Variants in CDH8 observed in about 807,000 individuals in gnomAD.
CDH8 encodes the protein cadherin 8.
In CDH8, 17 loss-of-function variants were observed where a neutral mutation model predicts 68.1. The ratio of observed to expected loss-of-function variants is 0.25; its 90% CI spans 0.17 to 0.37. CDH8 has a LOEUF of 0.37. Among genes scored for constraint, CDH8 ranks in the 10% least tolerant of loss-of-function variants. The pLI is 1.00. For missense variants in CDH8, 763 were observed against 999.3 expected (o/e 0.76, Z 3.19); for synonymous variants, 372 against 365.1 (o/e 1.02, Z -0.21).
intron 4 of CDH8, among the ~76,000 whole-genome samples, chr16:61,852,234 C>T (rs999030144): frequency 2.6e-5 from 4 of 151,988 alleles, no homozygotes; most frequent in Non-Finnish European, 5.9e-5. Context: ...TCATTCTCTC[C>T]GAAACACAGT....
At chr16:62,024,057 T>C (rs1260217276) in intron 1 of CDH8, among the ~76,000 whole-genome samples, 1 of 152,012 alleles carries the variant, frequency 6.6e-6, no homozygotes, top group Non-Finnish European at 1.5e-5. Context: ...GATCTCCATC[T>C]CGAACTCCTC....
chr16:62,027,365 G>T (rs899294547), intron 1 of CDH8, among the ~76,000 whole-genome samples: 1 of 152,128 alleles, frequency 6.6e-6, no homozygotes, highest in African/African-American at 2.4e-5. Flanking sequence ...TACACCATCC[G>T]TTTTGTAAAT....
At chr16:62,031,506 A>G in intron 1 of CDH8, among the ~76,000 whole-genome samples, 1 of 152,162 alleles carries the variant, frequency 6.6e-6, no homozygotes, top group East Asian at 1.9e-4. Context: ...GCCCTGAACC[A>G]TCCATCGTTC....
chr16:61,887,271 G>A (rs185461309), intron 3 of CDH8, among the ~76,000 whole-genome samples: 8 of 152,180 alleles, frequency 5.3e-5, no homozygotes, highest in African/African-American at 1.9e-4. Context: ...GATAGGAGTA[G>A]GAGGACCAAT....
chr16:61,773,052 T>C (rs750727970), intron 8 of CDH8, among the ~76,000 whole-genome samples: 11 of 152,060 alleles, frequency 7.2e-5, no homozygotes, highest in Non-Finnish European at 1.3e-4. Flanking sequence ...AAACATAATA[T>C]CCTTAACTGA....
chr16:61,963,726 T>C (rs1027235627), intron 2 of CDH8, among the ~76,000 whole-genome samples: 2 of 152,242 alleles, frequency 1.3e-5, no homozygotes, highest in East Asian at 1.9e-4. Flanking sequence ...CCACTGTTCC[T>C]GAATATTTGA....
intron 8 of CDH8, among the ~76,000 whole-genome samples, chr16:61,778,509 G>A (rs1960957832): frequency 6.6e-6 from 1 of 151,920 alleles, no homozygotes; most frequent in African/African-American, 2.4e-5. Context: ...GAAGGGGCAG[G>A]GTAACAGACA....
chr16:61,665,166 G>A (rs1433551928), intron 10 of CDH8, among the ~76,000 whole-genome samples: 1 of 151,790 alleles, frequency 6.6e-6, no homozygotes, highest in African/African-American at 2.4e-5. Flanking sequence ...AAGACCTTCT[G>A]CTAGCTGTTT....
chr16:61,720,645 AT>A (rs891677181), intron 9 of CDH8, among the ~76,000 whole-genome samples: 6 of 150,676 alleles, frequency 4.0e-5, no homozygotes, highest in East Asian at 3.9e-4. Context: ...ATTCCAGCTA[AT>A]TTTTTTTAAA....
chr16:61,686,271 T>G (rs560654538), intron 10 of CDH8, among the ~76,000 whole-genome samples: 1 of 152,028 alleles, frequency 6.6e-6, no homozygotes, highest in East Asian at 1.9e-4. Flanking sequence ...TCTATTTTCA[T>G]AGCAGCATGA....
intron 3 of CDH8, among the ~76,000 whole-genome samples, chr16:61,897,135 T>C (rs1260744119): frequency 6.7e-6 from 1 of 150,070 alleles, no homozygotes; most frequent in Non-Finnish European, 1.5e-5. Flanking sequence ...ATACAACATA[T>C]ATATGTTAGT....
At chr16:61,724,935 A>G (rs1207849820) in intron 9 of CDH8, among the ~76,000 whole-genome samples, 1 of 150,936 alleles carries the variant, frequency 6.6e-6, no homozygotes, top group African/African-American at 2.4e-5. Flanking sequence ...TGTAAGGAAT[A>G]AAACCTGAAT....
At chr16:62,013,454 A>T (rs1006348961) in intron 2 of CDH8, among the ~76,000 whole-genome samples, 1 of 152,168 alleles carries the variant, frequency 6.6e-6, no homozygotes, top group African/African-American at 2.4e-5. Flanking sequence ...ATTTGAATAC[A>T]TACATCTATA....
chr16:61,711,599 T>C (rs756980859), intron 10 of CDH8: 11 of 151,722 alleles, frequency 7.3e-5, no homozygotes, highest in Non-Finnish European at 1.3e-4. Flanking sequence ...ACAGTACCTA[T>C]TCAGGTGCCA....
At chr16:61,990,639 C>T (rs1384464374) in intron 2 of CDH8, among the ~76,000 whole-genome samples, 2 of 152,006 alleles carry the variant, frequency 1.3e-5, no homozygotes, top group Non-Finnish European at 2.9e-5. Context: ...TAGCAAGACC[C>T]TGTGTCTACA....
intron 10 of CDH8, 129 bp from the exon 11 acceptor site, chr16:61,655,850 T>A: frequency 1.3e-6 from 1 of 766,476 alleles, no homozygotes; most frequent in Non-Finnish European, 2.1e-6. Context: ...CTGCTCAGGC[T>A]TTTTCCCTGA....
chr16:61,656,096 T>A (rs913598591), intron 10 of CDH8, among the ~76,000 whole-genome samples: 42 of 152,058 alleles, frequency 2.8e-4, no homozygotes, highest in African/African-American at 9.9e-4. Flanking sequence ...ATGGTCTCCA[T>A]CTGCTGACCT....
intron 2 of CDH8, among the ~76,000 whole-genome samples, chr16:61,954,889 C>T (rs192883764): frequency 6.6e-6 from 1 of 152,226 alleles, no homozygotes; most frequent in Non-Finnish European, 1.5e-5. Context: ...ATGAACACAT[C>T]TGTAAATATA....
chr16:61,711,506 A>G (rs1964629196), intron 10 of CDH8: 1 of 151,730 alleles, frequency 6.6e-6, no homozygotes. Flanking sequence ...GAAGGAAAAT[A>G]TATATATATC....
Sources: allele counts gnomAD v4.1 joint callset (sites outside exome capture counted in the v4.1 genomes callset), GRCh38; gene constraint gnomAD v4.1.1; transcripts MANE v1.5; gene names NCBI Gene and HGNC (gene_info 2026-07-23, HGNC 2026-07-21).